The following MAPKBP1 variants were observed in gnomAD, a reference collection of about 807,000 sequenced individuals.
MAPKBP1 encodes the protein mitogen-activated protein kinase-binding protein 1.
A neutral mutation model predicts 170.5 loss-of-function variants in MAPKBP1; 71 were observed. That is an observed-to-expected ratio of 0.42 (90% CI 0.34 to 0.51). The LOEUF (loss-of-function observed/expected upper bound fraction) is 0.51. MAPKBP1 is among the 20% of genes least tolerant of loss of function. The pLI is 0.06. For missense variants in MAPKBP1, 1,598 were observed against 1,933.0 expected (o/e 0.83, Z 3.25); for synonymous variants, 719 against 757.9 (o/e 0.95, Z 0.84).
At chr15:41,820,749 C>A in intron 22 of MAPKBP1, 83 bp from the exon 23 acceptor site, 3 of 990,132 alleles carry the variant, frequency 3.0e-6, no homozygotes, top group Non-Finnish European at 4.7e-6. Context: ...GTGTGCCAGG[C>A]ACATAGTAAG....
In MAPKBP1 at chr15:41,822,122, G is replaced by T; in HGVS notation, c.3031+12G>T. 5.0e-6 allele frequency: 8 copies of T among 1,591,006 alleles called. No individual in the cohort carries two copies. The highest frequency in any genetic ancestry group is 6.9e-6 in the Non-Finnish European group (8 of 1,167,042). The stretch of plus-strand genomic sequence containing the variant: ...GCACCCCACTGAAGGTGAGGCTGTA[G>T]CCTGGAGGGAGGGGCCATGGGGGGT... On this transcript the variant is annotated intron_variant, in intron 25 of 30. Transcript: ENST00000457542.
chr15:41,823,609 G>C lies in MAPKBP1; in HGVS notation c.3761G>C (p.Arg1254Pro). Residue 1254 changes from arginine (R) to proline (P), a missense_variant, in exon 29 of 31, where the codon CGC becomes CCC. Arg to Pro is a moderately radical substitution (Grantham distance 103). This residue lies in a region of MAPKBP1 where 942 missense variants were observed against 953.2 expected (regional missense o/e 0.99). Coordinates refer to ENST00000457542, the MANE Select transcript of MAPKBP1 (RefSeq NM_014994.3). ...PTTSSMAKISRSISVGENLGL... is the reference protein window; with the variant it reads ...PTTSSMAKISPSISVGENLGL... The stretch of plus-strand genomic sequence containing the variant: ...ACCAGTTCCATGGCCAAGATATCCC[G>C]CAGTATCTCTGTTGGGGAGAACCTG... The C allele has an allele frequency of 6.2e-7, 1 of 1,614,096 alleles. No homozygotes were observed. The highest frequency in any genetic ancestry group is 8.5e-7 in the Non-Finnish European group (1 of 1,180,004).
At chr15:41,806,667 C>T (rs2064701559) in intron 3 of MAPKBP1, among the ~76,000 whole-genome samples, 3 of 152,180 alleles carry the variant, frequency 2.0e-5, no homozygotes. Flanking sequence ...CGCCCTGCAC[C>T]CTCAGGTGCT....
intron 3 of MAPKBP1, among the ~76,000 whole-genome samples, chr15:41,803,495 C>T (rs2064637364): frequency 6.7e-6 from 1 of 149,212 alleles, no homozygotes; most frequent in South Asian, 2.1e-4. Context: ...TGCTTGAGAC[C>T]AAGAATTTGA....
chr15:41,825,697 G>A lies in MAPKBP1; in HGVS notation c.*261G>A. 2.4e-6 allele frequency: 1 copy of A among 410,834 alleles called. No individual in the cohort carries two copies. Among genetic ancestry groups the A allele is most frequent in the Non-Finnish European group, 4.4e-6 (1 of 228,188 alleles). The allele number at this position is 410,834 out of a possible 1,614,324, so 25.4% of individuals were successfully genotyped here. On this transcript the variant is annotated 3_prime_UTR_variant, in exon 31 of 31. Transcript: ENST00000457542. Reference sequence around the variant, plus strand: ...ACAGGTCTTGGGTCTTTGTCATCTTGGTGCTGTGAGAGGTAGGAGGGCAGC... The same window carrying A: ...ACAGGTCTTGGGTCTTTGTCATCTTAGTGCTGTGAGAGGTAGGAGGGCAGC...
At position 41,816,590 on chromosome 15, in the gene MAPKBP1, C is replaced by A. The variant is rs79573365; in HGVS notation, c.1525C>A (p.Leu509Met). The A allele has an allele frequency of 2.5e-6, 4 of 1,614,104 alleles. No homozygotes were observed. In the East Asian group the frequency reaches 8.9e-5, roughly 36 times the overall value. ...CGAACTTCAGTCCCTGAGTGAGATGCTGAAGGTGGAGGCCCATGACTCTGA... is the reference window on the plus strand; with the variant it reads ...CGAACTTCAGTCCCTGAGTGAGATGATGAAGGTGGAGGCCCATGACTCTGA... ...VHELQSLSEM[L>M]KVEAHDSEIL... Residue 509 changes from leucine to methionine, a missense_variant, in exon 13 of 31, where the codon CTG becomes ATG. This residue lies in a region of MAPKBP1 where 430 missense variants were observed against 617.2 expected (regional missense o/e 0.70). Transcript: ENST00000457542.
intron 2 of MAPKBP1, among the ~76,000 whole-genome samples, chr15:41,779,061 G>C (rs540077145): frequency 6.6e-6 from 1 of 152,116 alleles, no homozygotes; most frequent in South Asian, 2.1e-4. Flanking sequence ...TTTTTTTCCT[G>C]TATAGTTGTG....
chr15:41,823,726 A>G lies in MAPKBP1; in HGVS notation c.3878A>G (p.Asp1293Gly). Reference protein sequence around the residue: ...ALPSRAHLVLDIPKPLPDRPT... With the variant: ...ALPSRAHLVLGIPKPLPDRPT... ...CCCAGCCGGGCTCACCTGGTCCTGG[A>G]CATCCCCAAACCACTGCCTGACCGT... Residue 1293 changes from aspartate to glycine, a missense_variant, in exon 29 of 31, where the codon GAC becomes GGC. By Grantham distance (94) the Asp-to-Gly change is moderately conservative (BLOSUM62 -1). Transcript: ENST00000457542. 1 of 1,614,084 alleles carries G rather than the reference A, an allele frequency of 6.2e-7. No homozygotes were observed. Among genetic ancestry groups the G allele is most frequent in the Admixed American group, 1.7e-5 (1 of 60,020 alleles).
chr15:41,821,009 A>G lies in MAPKBP1; in HGVS notation c.2659A>G (p.Ile887Val). The change falls in exon 23 of 31, where the codon ATC becomes GTC. Residue 887 changes from isoleucine to valine, a missense_variant. Coordinates refer to ENST00000457542, the MANE Select transcript of MAPKBP1 (RefSeq NM_014994.3). ...QDPSQDSLAI[I>V]PSGPRKHGQE... Reference sequence around the variant, plus strand: ...CCCTAGCCAGGACTCGCTGGCCATCATCCCATCTGGTCCCAGGAAGCATGG... The same window carrying G: ...CCCTAGCCAGGACTCGCTGGCCATCGTCCCATCTGGTCCCAGGAAGCATGG... 1 of 1,614,170 alleles carries G rather than the reference A, an allele frequency of 6.2e-7. No individual in the cohort carries two copies. The highest frequency in any genetic ancestry group is 2.2e-5 in the East Asian group (1 of 44,884).
At chr15:41,824,648 G>C in intron 30 of MAPKBP1, 79 bp downstream of exon 30, 1 of 1,345,682 alleles carries the variant, frequency 7.4e-7, no homozygotes, top group Non-Finnish European at 1.0e-6. Context: ...GTCCAGAACA[G>C]TATGCTAAGC....
At chr15:41,820,686 C>T (rs1596097508) in intron 22 of MAPKBP1, 146 bp from the exon 23 acceptor site, 1 of 642,874 alleles carries the variant, frequency 1.6e-6, no homozygotes, top group East Asian at 2.7e-5. Flanking sequence ...AAGGATTATA[C>T]TAGTGCCCAT....
intron 3 of MAPKBP1, among the ~76,000 whole-genome samples, chr15:41,801,973 A>G (rs1716602313): frequency 6.6e-6 from 1 of 152,220 alleles, no homozygotes; most frequent in African/African-American, 2.4e-5. Flanking sequence ...TTGAGTGAAC[A>G]TTACAGAGTA....
chr15:41,786,777 A>AAAAAAAAAAAAAATATATAT, intron 2 of MAPKBP1, among the ~76,000 whole-genome samples: 1 of 32,468 alleles, frequency 3.1e-5, no homozygotes, highest in Non-Finnish European at 5.6e-5. Context: ...AAAAAAAAAA[A>AAAAAAAAAAAAAATATATAT]ATATATATAT....
In MAPKBP1 at chr15:41,812,984, C is replaced by T. The variant is rs201198761; in HGVS notation, c.702C>T (p.Phe234=). The change falls in exon 8 of 31, where the codon TTC becomes TTT. Residue 234 remains phenylalanine, a synonymous_variant. Transcript: ENST00000457542. ...TGGGAGAGCTACGGAACAACCTATT[C>T]ACTGATGTGGCCTGTGGCAGAGGAA... ...GLLGELRNNL[F]TDVACGRGKK... The T allele has an allele frequency of 1.4e-4, 225 of 1,613,926 alleles. No individual in the cohort carries two copies. Among genetic ancestry groups the T allele is most frequent in the Middle Eastern group, 9.9e-4 (6 of 6,052 alleles).
chr15:41,817,639 G>T lies in MAPKBP1; in HGVS notation c.1808G>T (p.Arg603Leu). ...TCTGGAGATGGAGTGCAGTTCACAC[G>T]GACACACCACGTGGTGCGGAAGACG... ...QKSGDGVQFTRTHHVVRKTTL... is the reference protein window; with the variant it reads ...QKSGDGVQFTLTHHVVRKTTL... The change falls in exon 16 of 31, where the codon CGG becomes CTG. Residue 603 changes from arginine (R) to leucine (L), a missense_variant. Transcript: ENST00000457542. The surrounding 1 kb of genome is among the most constrained non-coding windows in gnomAD (Gnocchi z 4.2). 1 of 1,614,178 alleles carries T rather than the reference G, an allele frequency of 6.2e-7. No individual in the cohort carries two copies. Among genetic ancestry groups the T allele is most frequent in the Non-Finnish European group, 8.5e-7 (1 of 1,180,022 alleles).
At chr15:41,808,188 G>T (rs2152076777) in intron 3 of MAPKBP1, among the ~76,000 whole-genome samples, 1 of 138,428 alleles carries the variant, frequency 7.2e-6, no homozygotes, top group Admixed American at 7.7e-5. Context: ...CTTGCTGCAA[G>T]CTCCGCCTCC....
At chr15:41,775,005 C>A (rs2064073531) in intron 1 of MAPKBP1, 162 bp from the exon 2 acceptor site, 16 of 465,180 alleles carry the variant, frequency 3.4e-5, no homozygotes, top group Non-Finnish European at 4.9e-5. Flanking sequence ...ATTTTCCCCC[C>A]CTTTTTCGTG....
chr15:41,807,775 C>T (rs1216339861), intron 3 of MAPKBP1, among the ~76,000 whole-genome samples: 4 of 152,264 alleles, frequency 2.6e-5, no homozygotes, highest in Admixed American at 1.3e-4. Flanking sequence ...CAGTGGCTCA[C>T]GCCTGTAATC....
chr15:41,789,533 C>A (rs970527696), intron 2 of MAPKBP1, among the ~76,000 whole-genome samples: 2 of 152,122 alleles, frequency 1.3e-5, no homozygotes, highest in Non-Finnish European at 2.9e-5. Context: ...TTACCTCTTC[C>A]TCCATCTGCA....
Sources: allele counts gnomAD v4.1 joint callset (sites outside exome capture counted in the v4.1 genomes callset), GRCh38; gene constraint gnomAD v4.1.1; regional missense constraint gnomAD v4.1.1; non-coding constraint Gnocchi (gnomAD v3.1); transcripts MANE v1.5; gene names NCBI Gene and HGNC (gene_info 2026-07-23, HGNC 2026-07-21).